SLC24A2: variants seen among roughly 807,000 people sequenced by gnomAD.
SLC24A2 encodes sodium/potassium/calcium exchanger 2.
A neutral mutation model predicts 62.0 loss-of-function variants in SLC24A2; 36 were observed. The ratio of observed to expected loss-of-function variants is 0.58; its 90% CI spans 0.44 to 0.77. The LOEUF (loss-of-function observed/expected upper bound fraction) is 0.77. Among genes scored for constraint, SLC24A2 ranks in the 30% least tolerant of loss-of-function variants. SLC24A2 has a pLI of 0.00. For synonymous variants in SLC24A2, 358 were observed against 294.0 expected (o/e 1.22, Z -2.23); for missense variants, 846 against 817.9 (o/e 1.03, Z -0.42).
the SLC24A2 span, among the ~76,000 whole-genome samples, chr9:19,858,926 G>C: frequency 6.6e-6 from 1 of 152,130 alleles, no homozygotes; most frequent in Non-Finnish European, 1.5e-5. Context: ...CAGCAATTGT[G>C]GATATCAGTG....
the SLC24A2 span, among the ~76,000 whole-genome samples, chr9:20,206,073 T>C: frequency 1.1e-4 from 17 of 152,050 alleles, no homozygotes; most frequent in Non-Finnish European, 2.4e-4. Context: ...CCATTCAGAG[T>C]ATAAGATAGA....
intron 4 of SLC24A2, among the ~76,000 whole-genome samples, chr9:19,600,264 C>T (rs543052006): frequency 5.3e-5 from 8 of 152,184 alleles, no homozygotes; most frequent in Admixed American, 2.0e-4. Context: ...TTCATGCCAC[C>T]GTGGTGGAGC....
the SLC24A2 span, among the ~76,000 whole-genome samples, chr9:20,115,533 T>C: frequency 2.0e-5 from 3 of 152,146 alleles, no homozygotes; most frequent in Non-Finnish European, 2.9e-5. Context: ...CTTTAGGGTA[T>C]TGTTTTCTGA....
the SLC24A2 span, among the ~76,000 whole-genome samples, chr9:19,890,053 C>G: frequency 6.6e-6 from 1 of 152,046 alleles, no homozygotes; most frequent in Non-Finnish European, 1.5e-5. Flanking sequence ...AGTTTATGGA[C>G]CACCAATATA....
the SLC24A2 span, among the ~76,000 whole-genome samples, chr9:20,065,247 G>C: frequency 6.6e-6 from 1 of 152,132 alleles, no homozygotes; most frequent in Non-Finnish European, 1.5e-5. Flanking sequence ...GTAAGAGTGG[G>C]GTCTGAGATA....
chr9:19,941,049 T>C, the SLC24A2 span, among the ~76,000 whole-genome samples: 1 of 152,106 alleles, frequency 6.6e-6, no homozygotes, highest in Non-Finnish European at 1.5e-5. Flanking sequence ...CTGCCATAAA[T>C]CTTCAAAGGT....
chr9:20,051,657 C>CTCT, the SLC24A2 span, among the ~76,000 whole-genome samples: 40 of 73,510 alleles, frequency 5.4e-4, no homozygotes, highest in Admixed American at 4.0e-3. Context: ...TTTTCTTTCT[C>CTCT]TTTTTTTTTT....
the SLC24A2 span, among the ~76,000 whole-genome samples, chr9:20,126,354 C>G: frequency 6.6e-6 from 1 of 152,094 alleles, no homozygotes; most frequent in South Asian, 2.1e-4. Context: ...AGGTTATTCA[C>G]TGACTTACTG....
the SLC24A2 span, among the ~76,000 whole-genome samples, chr9:20,307,802 C>G: frequency 6.6e-6 from 1 of 152,178 alleles, no homozygotes; most frequent in African/African-American, 2.4e-5. Flanking sequence ...GCAGAAGGTG[C>G]TGGGATAACA....
chr9:19,553,365 A>C (rs1490624519), intron 7 of SLC24A2, among the ~76,000 whole-genome samples: 1 of 152,186 alleles, frequency 6.6e-6, no homozygotes, highest in Non-Finnish European at 1.5e-5. Context: ...CTTACCTCCT[A>C]AAATTTCTGC....
the SLC24A2 span, among the ~76,000 whole-genome samples, chr9:20,236,752 A>G: frequency 6.6e-6 from 1 of 152,162 alleles, no homozygotes; most frequent in Non-Finnish European, 1.5e-5. Context: ...CCAGCCCTGA[A>G]AAGTAGAATT....
the SLC24A2 span, among the ~76,000 whole-genome samples, chr9:19,834,189 G>T: frequency 2.4e-3 from 364 of 152,288 alleles, 2 homozygotes; most frequent in Non-Finnish European, 4.4e-3. Context: ...CCAAAGGAAC[G>T]CAGCTCCTCA....
chr9:19,728,144 C>T (rs1312113367), intron 2 of SLC24A2, among the ~76,000 whole-genome samples: 1 of 152,156 alleles, frequency 6.6e-6, no homozygotes. Flanking sequence ...GCACAACTGG[C>T]CTTTACCCAA....
chr9:20,115,937 T>C, the SLC24A2 span, among the ~76,000 whole-genome samples: 1 of 151,800 alleles, frequency 6.6e-6, no homozygotes, highest in Non-Finnish European at 1.5e-5. Context: ...AGGCAAGAGA[T>C]TTTTTTATCT....
intron 2 of SLC24A2, among the ~76,000 whole-genome samples, chr9:19,647,465 T>C (rs927553743): frequency 9.2e-5 from 14 of 152,196 alleles, no homozygotes; most frequent in African/African-American, 3.4e-4. Flanking sequence ...TGGACATCCA[T>C]GGCTATGTTT....
At chr9:20,003,963 G>C in the SLC24A2 span, among the ~76,000 whole-genome samples, 3 of 151,568 alleles carry the variant, frequency 2.0e-5, no homozygotes, top group Non-Finnish European at 4.4e-5. Context: ...ATATGTCTAT[G>C]TGTATAGAAA....
chr9:19,790,303 A>G (rs137906284), upstream of SLC24A2, among the ~76,000 whole-genome samples: 1 of 152,158 alleles, frequency 6.6e-6, no homozygotes, highest in Non-Finnish European at 1.5e-5. Flanking sequence ...ATGAATCTCC[A>G]TGGGGCCATA....
At chr9:19,656,717 A>T (rs1818953509) in intron 2 of SLC24A2, among the ~76,000 whole-genome samples, 2 of 152,090 alleles carry the variant, frequency 1.3e-5, no homozygotes, top group South Asian at 4.2e-4. Context: ...TTGAAATCTG[A>T]TGTGGAGACA....
chr9:20,204,266 G>T, the SLC24A2 span, among the ~76,000 whole-genome samples: 1 of 152,156 alleles, frequency 6.6e-6, no homozygotes, highest in Non-Finnish European at 1.5e-5. Context: ...GTCAGCAAAA[G>T]AATCCACAGC....
Sources: gnomAD v4.1 joint callset for allele counts (sites outside exome capture counted in the v4.1 genomes callset) on GRCh38, gnomAD v4.1.1 for gene constraint, MANE v1.5 for transcripts, NCBI Gene and HGNC (gene_info 2026-07-23, HGNC 2026-07-21) for gene names.